TFRC: variants seen among roughly 807,000 people sequenced by gnomAD.
The protein encoded by TFRC is transferrin receptor protein 1.
In TFRC, 35 loss-of-function variants were observed where a neutral mutation model predicts 85.8. The ratio of observed to expected loss-of-function variants is 0.41; its 90% CI spans 0.31 to 0.54. TFRC has a LOEUF of 0.54. TFRC is among the 20% of genes least tolerant of loss of function. The pLI is 0.31. For synonymous variants in TFRC, 362 were observed against 328.6 expected, an observed-to-expected ratio of 1.10 and a Z score of -1.10; for missense variants, 828 against 921.5, an observed-to-expected ratio of 0.90 and a Z score of 1.31.
rs913336567 is a variant in TFRC at position 196,050,846 on chromosome 3, C to G, written c.*1096G>C. ...TCTAAATCTTAGCTTCAACTTTATT[C>G]AATTACATTTGGCTGACGGCTGTTT... On this transcript the variant is annotated 3_prime_UTR_variant, in exon 19 of 19. Coordinates refer to ENST00000360110, the MANE Select transcript of TFRC (RefSeq NM_001128148.3). 1.0e-5 allele frequency: 2 copies of G among 199,622 alleles called. No individual in the cohort carries two copies. The highest frequency in any genetic ancestry group is 2.1e-5 in the Non-Finnish European group (2 of 96,462). The allele number at this position is 199,622 out of a possible 1,614,324, so 12.4% of individuals were successfully genotyped here. A position where few individuals can be genotyped will look rare whatever the true frequency, so the allele number is the denominator to read the frequency against.
At chr3:196,074,381 A>G (rs916711306) in intron 3 of TFRC, 6 of 302,666 alleles carry the variant, frequency 2.0e-5, no homozygotes, top group Admixed American at 9.9e-5. Context: ...CATGAGACTG[A>G]GCTGCTGCAC....
intron 13 of TFRC, 125 bp from the exon 14 acceptor site, chr3:196,060,372 T>C: frequency 1.3e-6 from 1 of 781,326 alleles, no homozygotes; most frequent in Non-Finnish European, 2.1e-6. Context: ...GTGCAACAAC[T>C]ATCCCATTCA....
At chr3:196,080,878 G>A (rs990456840) in intron 1 of TFRC, among the ~76,000 whole-genome samples, 1 of 152,206 alleles carries the variant, frequency 6.6e-6, no homozygotes, top group Non-Finnish European at 1.5e-5. Context: ...AAGTACTCTA[G>A]ACAGCCTAAC....
At chr3:196,077,002 AAAGTC>A (rs1255454660) in intron 2 of TFRC, 57 bp downstream of exon 2, 1 of 1,475,050 alleles carries the variant, frequency 6.8e-7, no homozygotes, top group Non-Finnish European at 9.4e-7. Context: ...TTACTCAGTT[AAAGTC>A]ATGCTTGTAT....
At chr3:196,052,292 C>CTT (rs529214594) in intron 18 of TFRC, 108 bp from the exon 19 acceptor site, 6,007 of 544,322 alleles carry the variant, frequency 0.011, 29 homozygotes, top group Non-Finnish European at 0.014. Flanking sequence ...GCCGATCAGA[C>CTT]TTTTTTTTTT....
At chr3:196,067,972 C>A in intron 8 of TFRC, 60 bp downstream of exon 8, 1 of 1,391,522 alleles carries the variant, frequency 7.2e-7, no homozygotes, top group South Asian at 1.2e-5. Flanking sequence ...TCTGCTAATA[C>A]AGGAATCCAA....
chr3:196,062,555 T>C (rs1452666052), intron 13 of TFRC, 27 bp downstream of exon 13: 1 of 1,593,968 alleles, frequency 6.3e-7, no homozygotes, highest in African/African-American at 1.4e-5. Context: ...CCTGAATTCA[T>C]ACACAGCTAA....
chr3:196,072,382 G>A (rs892608091), intron 4 of TFRC, among the ~76,000 whole-genome samples: 2 of 152,114 alleles, frequency 1.3e-5, no homozygotes, highest in African/African-American at 4.8e-5. Context: ...ACTCCTTCAA[G>A]AGCCTCATCA....
Position 196,069,554 on chromosome 3 carries a change from A to G in TFRC, c.702T>C (p.His234=). Residue 234 remains histidine (H), a synonymous_variant, in exon 7 of 19, where the codon CAT becomes CAC. Transcript: ENST00000360110. ...KAATVTGKLV[H]ANFGTKKDFE... ...AATCTTTTTTAGTACCAAAATTAGC[A>G]TGGACCAGTTTACCCTAGAACAAAG... 3 of 1,603,510 alleles carry G rather than the reference A, an allele frequency of 1.9e-6. No homozygotes were observed. Among genetic ancestry groups the G allele is most frequent in the Non-Finnish European group, 2.6e-6 (3 of 1,170,698 alleles).
rs375528384 is a variant in TFRC, at chr3:196,069,437, A to C, written c.801+18T>G. Reference sequence around the variant, plus strand: ...TACCAAAAGTACTGTATTTAATATTATAATAACTCATACTCACCTTTTCTG... The same window carrying C: ...TACCAAAAGTACTGTATTTAATATTCTAATAACTCATACTCACCTTTTCTG... On this transcript the variant is annotated intron_variant, in intron 7 of 18. Transcript: ENST00000360110. 2 of 1,421,240 alleles carry C rather than the reference A, an allele frequency of 1.4e-6. No individual in the cohort carries two copies. The highest frequency in any genetic ancestry group is 2.0e-6 in the Non-Finnish European group (2 of 1,012,192). 88.0% of individuals were successfully genotyped at this position (1,421,240 alleles called of 1,614,324 possible).
rs375242323 is a variant in TFRC, at chr3:196,075,147, G to A, written c.238+12C>T. 3.8e-5 allele frequency: 61 copies of A among 1,612,028 alleles called. No individual in the cohort carries two copies. The highest frequency in any genetic ancestry group is 1.3e-4 in the Admixed American group (8 of 59,904). On this transcript the variant is annotated intron_variant, in intron 3 of 18. Transcript: ENST00000360110. ...TATAGAAAACATTGAAGTTTGGAAT[G>A]GTCATTCTCACCAATCAAGAAAAAG...
chr3:196,075,218 T>C lies in TFRC; in HGVS notation c.179A>G (p.Lys60Arg), dbSNP rs140011138. 1 of 1,614,042 alleles carries C rather than the reference T, an allele frequency of 6.2e-7. No individual in the cohort carries two copies. The highest frequency in any genetic ancestry group is 1.3e-5 in the African/African-American group (1 of 74,908). The change falls in exon 3 of 19, where the codon AAA becomes AGA. Residue 60 changes from lysine to arginine, a missense_variant. Coordinates refer to ENST00000360110, the MANE Select transcript of TFRC (RefSeq NM_001128148.3). The part of the protein sequence containing the change: ...NNTKANVTKP[K>R]RCSGSICYGT... ...ATAGCAGATACTTCCACTACACCTT[T>C]TTGGTTTTGTGACATTGGCCTTTGT...
chr3:196,068,610 CAAAAAAAAA>C (rs55807772), intron 7 of TFRC, among the ~76,000 whole-genome samples: 4 of 41,816 alleles, frequency 9.6e-5, no homozygotes, highest in Admixed American at 4.1e-4. Flanking sequence ...AACTCCCTCT[CAAAAAAAAA>C]AAAAAAAAAA....
intron 9 of TFRC, among the ~76,000 whole-genome samples, chr3:196,066,265 A>T (rs1241574022): frequency 6.6e-6 from 1 of 152,174 alleles, no homozygotes; most frequent in African/African-American, 2.4e-5. Flanking sequence ...GTCACCACTA[A>T]CAAGGATAGT....
intron 9 of TFRC, among the ~76,000 whole-genome samples, chr3:196,065,946 G>A (rs1717701413): frequency 1.3e-5 from 2 of 150,422 alleles, no homozygotes; most frequent in East Asian, 1.9e-4. Flanking sequence ...CCGAGATCAC[G>A]CCACTGCACT....
At position 196,068,146 on chromosome 3, in the gene TFRC, T is replaced by C. The variant is rs781090117; in HGVS notation, c.802-16A>G. 20 of 1,586,596 alleles carry C rather than the reference T, an allele frequency of 1.3e-5. No individual in the cohort carries two copies. Among genetic ancestry groups the C allele is most frequent in the Admixed American group, 5.1e-5 (3 of 58,590 alleles). ...CATTTGCAACCTAAAAGAAAACATA[T>C]AAAGCTCAGAAAATGAAGATCTGAT... On this transcript the variant is annotated splice_polypyrimidine_tract_variant and intron_variant, in intron 7 of 18. Coordinates refer to ENST00000360110, the MANE Select transcript of TFRC (RefSeq NM_001128148.3).
intron 1 of TFRC, 94 bp from the exon 2 acceptor site, chr3:196,077,216 A>G (rs1718779997): frequency 1.2e-6 from 1 of 817,480 alleles, no homozygotes; most frequent in Non-Finnish European, 2.0e-6. Flanking sequence ...TTAAATTTTT[A>G]AAATACATTA....
chr3:196,076,006 C>T (rs897774541), intron 2 of TFRC, among the ~76,000 whole-genome samples: 4 of 150,920 alleles, frequency 2.7e-5, no homozygotes, highest in Non-Finnish European at 4.4e-5. Context: ...GGCATGGTGT[C>T]GCACGCCTGT....
chr3:196,078,777 C>CTT (rs551415213), intron 1 of TFRC, among the ~76,000 whole-genome samples: 5,273 of 147,922 alleles, frequency 0.036, 120 homozygotes, highest in South Asian at 0.1. Flanking sequence ...GAAGCATAAT[C>CTT]TTTTTTTTTT....
Sources: gnomAD v4.1 joint callset for allele counts (sites outside exome capture counted in the v4.1 genomes callset) on GRCh38, gnomAD v4.1.1 for gene constraint, MANE v1.5 for transcripts, NCBI Gene and HGNC (gene_info 2026-07-23, HGNC 2026-07-21) for gene names.